The following PRELID2 variants were observed in gnomAD, a reference collection of about 807,000 sequenced individuals.
PRELID2 encodes PRELI domain-containing protein 2.
A neutral mutation model predicts 28.4 loss-of-function variants in PRELID2; 25 were observed. That is an observed-to-expected ratio of 0.88 (90% confidence interval 0.64 to 1.23). The LOEUF (loss-of-function observed/expected upper bound fraction) is 1.23, where lower values mean the gene tolerates loss of function less well. PRELID2 is among the 50% of genes most tolerant of loss of function. PRELID2 has a pLI of 0.00. For synonymous variants in PRELID2, 76 were observed against 71.6 expected (o/e 1.06, Z -0.31); for missense variants, 201 against 214.4 (o/e 0.94, Z 0.39).
At chr5:145,487,004 C>T (rs1260248766) in intron 1 of PRELID2, among the ~76,000 whole-genome samples, 1 of 145,728 alleles carries the variant, frequency 6.9e-6, no homozygotes, top group Non-Finnish European at 1.5e-5. Context: ...AAAAACCAAA[C>T]ACCGCATATT....
At chr5:145,650,553 T>C (rs1265225798) in intron 1 of PRELID2, among the ~76,000 whole-genome samples, 1 of 128,256 alleles carries the variant, frequency 7.8e-6, no homozygotes, top group Non-Finnish European at 1.6e-5. Context: ...TATATATATA[T>C]ATATATATAT....
At chr5:145,703,613 G>A (rs977131699) in intron 1 of PRELID2, among the ~76,000 whole-genome samples, 3 of 152,172 alleles carry the variant, frequency 2.0e-5, no homozygotes, top group African/African-American at 7.2e-5. Flanking sequence ...CTGCAGCTAG[G>A]GAAAGAAGAT....
At chr5:145,387,777 C>T in the PRELID2 span, among the ~76,000 whole-genome samples, 14 of 151,576 alleles carry the variant, frequency 9.2e-5, no homozygotes, top group Admixed American at 4.0e-4. Flanking sequence ...ACAAAAAATA[C>T]AAAAATTAGC....
intron 1 of PRELID2, among the ~76,000 whole-genome samples, chr5:145,670,349 G>T (rs958043353): frequency 6.6e-5 from 10 of 151,988 alleles, no homozygotes; most frequent in African/African-American, 1.9e-4. Flanking sequence ...TATGAGAATG[G>T]CACCAAATCA....
chr5:145,290,430 A>G, the PRELID2 span, among the ~76,000 whole-genome samples: 1 of 152,068 alleles, frequency 6.6e-6, no homozygotes, highest in African/African-American at 2.4e-5. Flanking sequence ...ATAAAAAAGG[A>G]TGAGTTCACG....
intron 1 of PRELID2, among the ~76,000 whole-genome samples, chr5:145,491,176 A>C (rs1294029997): frequency 6.6e-6 from 1 of 152,204 alleles, no homozygotes; most frequent in East Asian, 1.9e-4. Context: ...ACATATTAAA[A>C]ACAAGAATTT....
chr5:145,287,606 G>A, the PRELID2 span, among the ~76,000 whole-genome samples: 1 of 152,220 alleles, frequency 6.6e-6, no homozygotes, highest in Admixed American at 6.5e-5. Flanking sequence ...ATGGATAAGG[G>A]GGAACTGATG....
At chr5:145,666,277 T>A (rs1187690723) in intron 1 of PRELID2, among the ~76,000 whole-genome samples, 1 of 152,100 alleles carries the variant, frequency 6.6e-6, no homozygotes, top group Non-Finnish European at 1.5e-5. Context: ...TTGGATTATT[T>A]GCCCACCCTT....
At chr5:145,471,913 G>C (rs554192398) in exon 3 of PRELID2, 1 of 152,260 alleles carries the variant, frequency 6.6e-6, no homozygotes, top group East Asian at 1.9e-4. Flanking sequence ...GAAGGTAAAG[G>C]AACTGCTTCC....
chr5:145,459,181 T>TC, the PRELID2 span, among the ~76,000 whole-genome samples: 13 of 152,098 alleles, frequency 8.5e-5, no homozygotes, highest in Non-Finnish European at 1.9e-4. Context: ...ATCTAAAATA[T>TC]CCCCCAGAAA....
At chr5:145,588,720 T>C (rs1156769138) in intron 1 of PRELID2, among the ~76,000 whole-genome samples, 4 of 152,026 alleles carry the variant, frequency 2.6e-5, no homozygotes, top group African/African-American at 9.7e-5. Flanking sequence ...CTTTGCCCAA[T>C]CTGAGACGCC....
intron 1 of PRELID2, among the ~76,000 whole-genome samples, chr5:145,692,832 C>T (rs1047967086): frequency 2.0e-5 from 3 of 152,162 alleles, no homozygotes; most frequent in African/African-American, 7.2e-5. Context: ...ATTTTACTTG[C>T]TCAGTTTTTG....
the PRELID2 span, among the ~76,000 whole-genome samples, chr5:145,430,390 C>T: frequency 1.3e-5 from 2 of 152,096 alleles, no homozygotes; most frequent in Admixed American, 6.5e-5. Flanking sequence ...TGAGAATTGC[C>T]GGGGAGTTCT....
chr5:145,644,177 G>C (rs1754155927), intron 1 of PRELID2, among the ~76,000 whole-genome samples: 1 of 150,840 alleles, frequency 6.6e-6, no homozygotes, highest in South Asian at 2.1e-4. Flanking sequence ...ATTAATTACT[G>C]CCTCAATTTC....
chr5:145,755,389 T>C (rs1298016793), downstream of PRELID2, among the ~76,000 whole-genome samples: 1 of 152,212 alleles, frequency 6.6e-6, no homozygotes, highest in African/African-American at 2.4e-5. Flanking sequence ...TTCCTCTCAT[T>C]AAAGACAATT....
At chr5:145,335,301 C>G in the PRELID2 span, among the ~76,000 whole-genome samples, 1 of 151,840 alleles carries the variant, frequency 6.6e-6, no homozygotes, top group Non-Finnish European at 1.5e-5. Flanking sequence ...TCAGCTTCTT[C>G]TGTTTAGTCC....
At chr5:145,507,191 T>C (rs908284897) in intron 1 of PRELID2, among the ~76,000 whole-genome samples, 6 of 152,080 alleles carry the variant, frequency 3.9e-5, no homozygotes, top group African/African-American at 1.2e-4. Context: ...TTTCAGTTAT[T>C]CTTTGTCAAA....
chr5:145,746,770 CA>C (rs1757001866), intron 1 of PRELID2, among the ~76,000 whole-genome samples: 1 of 152,146 alleles, frequency 6.6e-6, no homozygotes. Flanking sequence ...TAAAATAGAT[CA>C]CATAATTGGA....
In PRELID2 at chr5:145,741,053, ATATG is replaced by A. The variant is rs1322567588; in HGVS notation, n.70+23874_70+23877del. 1.0e-3 allele frequency among the ~76,000 whole-genome samples: 118 copies of A among 118,236 alleles called. 2 individuals carry two copies. Among genetic ancestry groups the A allele is most frequent in the African/African-American group, 3.9e-3 (114 of 29,518 alleles). 77.6% of individuals were successfully genotyped at this position (118,236 alleles called of 152,430 possible). On this transcript the variant is annotated intron_variant and non_coding_transcript_variant, in intron 1 of 2. Transcript: ENST00000510259. ...TATTATATATTTGTATACAAATAAA[ATATG>A]TATATTATATATTTATGTATAAATA... is the stretch of plus-strand genomic sequence containing the variant.
Sources: allele counts gnomAD v4.1 joint callset (sites outside exome capture counted in the v4.1 genomes callset), GRCh38; gene constraint gnomAD v4.1.1; transcripts MANE v1.5; gene names NCBI Gene and HGNC (gene_info 2026-07-23, HGNC 2026-07-21).